Variants in TP53BP1 observed in about 807,000 individuals in gnomAD.
TP53BP1 encodes the protein tumor protein p53 binding protein 1.
In TP53BP1, 61 loss-of-function variants were observed where a neutral mutation model predicts 200.8. The ratio of observed to expected loss-of-function variants is 0.30; its 90% CI spans 0.25 to 0.38. The LOEUF is 0.38. Ranked by LOEUF, TP53BP1 falls within the 10% of genes least tolerant of loss-of-function variation. The pLI, the probability that TP53BP1 is intolerant of heterozygous loss-of-function variation, is 1.00. For missense variants in TP53BP1, 2,144 were observed against 2,371.9 expected (o/e 0.90, Z 2.00); for synonymous variants, 822 against 844.3 (o/e 0.97, Z 0.46).
At chr15:43,409,954 G>A (rs2045061478) in intron 24 of TP53BP1, among the ~76,000 whole-genome samples, 1 of 152,146 alleles carries the variant, frequency 6.6e-6, no homozygotes, top group African/African-American at 2.4e-5. Flanking sequence ...GAGGGAATGG[G>A]AAGATGAGGA....
rs2045850816 is a variant in TP53BP1 at position 43,438,427 on chromosome 15, AT to A, written c.3099-12del. 1 of 1,596,986 alleles carries A rather than the reference AT, an allele frequency of 6.3e-7. No homozygotes were observed. Among genetic ancestry groups the A allele is most frequent in the Non-Finnish European group, 8.5e-7 (1 of 1,169,674 alleles). Reference sequence around the variant, plus strand: ...ATGGTCTTCTGGGGACTAAGACAATATATTAAAGCAATATATTGTTAACTTT... The same window carrying A: ...ATGGTCTTCTGGGGACTAAGACAATAATTAAAGCAATATATTGTTAACTTT... On this transcript the variant is annotated splice_polypyrimidine_tract_variant and intron_variant, in intron 15 of 27. Coordinates refer to ENST00000382044, the MANE Select transcript of TP53BP1 (RefSeq NM_001141980.3).
upstream of TP53BP1, among the ~76,000 whole-genome samples, chr15:43,493,933 A>G (rs1469913073): frequency 6.6e-6 from 1 of 152,098 alleles, no homozygotes; most frequent in Non-Finnish European, 1.5e-5. Flanking sequence ...AACAGCTGCC[A>G]CCCCTTCTAA....
chr15:43,467,064 T>G (rs968745070), intron 11 of TP53BP1, among the ~76,000 whole-genome samples: 1 of 151,970 alleles, frequency 6.6e-6, no homozygotes, highest in African/African-American at 2.4e-5. Flanking sequence ...GGTATTCTTT[T>G]TTTTTTTTGA....
At chr15:43,464,965 T>A (rs557631471) in intron 11 of TP53BP1, among the ~76,000 whole-genome samples, 25 of 152,116 alleles carry the variant, frequency 1.6e-4, no homozygotes, top group African/African-American at 5.8e-4. Context: ...TTTTTTCCTT[T>A]ATATTTTTTA....
chr15:43,421,207 C>T, intron 19 of TP53BP1, 33 bp from the exon 20 acceptor site: 1 of 1,609,296 alleles, frequency 6.2e-7, no homozygotes, highest in Non-Finnish European at 8.5e-7. Context: ...TCTGATAGCA[C>T]CTGCTACTGA....
At chr15:43,442,068 C>T (rs1328056700) in intron 14 of TP53BP1, among the ~76,000 whole-genome samples, 2 of 151,330 alleles carry the variant, frequency 1.3e-5, no homozygotes, top group African/African-American at 4.9e-5. Flanking sequence ...GCAGTGCAGG[C>T]CAGATTTGTT....
chr15:43,493,119 T>C lies in TP53BP1; in HGVS notation c.-76A>G. 4 of 1,594,484 alleles carry C rather than the reference T, an allele frequency of 2.5e-6. No individual in the cohort carries two copies. In the South Asian group the frequency reaches 4.5e-5, roughly 18 times the overall value. On this transcript the variant is annotated 5_prime_UTR_variant, in exon 1 of 28. Transcript: ENST00000382044. ...AAGTCCCTCCAGATCGATCCCTAGG[T>C]CGCCGCTGTCGCCACCGCCGCCACC...
chr15:43,453,195 A>G (rs1185469663), intron 12 of TP53BP1, among the ~76,000 whole-genome samples: 2 of 147,428 alleles, frequency 1.4e-5, no homozygotes, highest in Non-Finnish European at 3.0e-5. Flanking sequence ...CTCCGTCTCA[A>G]AAAAAAAAAA....
intron 11 of TP53BP1, among the ~76,000 whole-genome samples, chr15:43,461,092 A>G (rs1164806009): frequency 6.6e-6 from 1 of 152,192 alleles, no homozygotes; most frequent in African/African-American, 2.4e-5. Context: ...CCATAATCCA[A>G]TAATTCCATT....
At chr15:43,447,287 C>A in intron 13 of TP53BP1, 79 bp downstream of exon 13, 1 of 1,476,416 alleles carries the variant, frequency 6.8e-7, no homozygotes, top group South Asian at 1.2e-5. Context: ...CCCAACTCCT[C>A]AGATCTAAAA....
chr15:43,422,325 A>G (rs893643018), intron 18 of TP53BP1, among the ~76,000 whole-genome samples, 199 bp from the exon 19 acceptor site: 13 of 152,114 alleles, frequency 8.5e-5, no homozygotes, highest in Non-Finnish European at 1.8e-4. Context: ...ACTGAACTGA[A>G]CATTTAGGAT....
chr15:43,489,612 T>C (rs1382679018), intron 4 of TP53BP1, among the ~76,000 whole-genome samples: 1 of 152,238 alleles, frequency 6.6e-6, no homozygotes, highest in Non-Finnish European at 1.5e-5. Context: ...ATAGCACTAA[T>C]GCTCCATCTA....
At chr15:43,508,485 C>T (rs1595640666) in intron 1 of TP53BP1, among the ~76,000 whole-genome samples, 2 of 152,298 alleles carry the variant, frequency 1.3e-5, no homozygotes, top group Middle Eastern at 3.4e-3. Flanking sequence ...CACAAAGACC[C>T]TGTCTCTGTG....
At chr15:43,450,128 T>C (rs1455275983) in intron 12 of TP53BP1, among the ~76,000 whole-genome samples, 1 of 152,194 alleles carries the variant, frequency 6.6e-6, no homozygotes, top group African/African-American at 2.4e-5. Flanking sequence ...TACCAAACAA[T>C]AATGAAGGAT....
intron 17 of TP53BP1, among the ~76,000 whole-genome samples, chr15:43,431,743 T>C (rs978007161): frequency 2.0e-5 from 3 of 152,204 alleles, no homozygotes; most frequent in Non-Finnish European, 2.9e-5. Context: ...TTCTGTTTCA[T>C]ATACTGAAAT....
chr15:43,471,480 G>A (rs982022535), intron 10 of TP53BP1, among the ~76,000 whole-genome samples: 2 of 151,830 alleles, frequency 1.3e-5, no homozygotes, highest in East Asian at 1.9e-4. Context: ...AGGCTGCGAC[G>A]CAGTGGTGCC....
intron 10 of TP53BP1, among the ~76,000 whole-genome samples, chr15:43,474,135 T>C (rs564658902): frequency 2.0e-5 from 3 of 152,222 alleles, no homozygotes; most frequent in African/African-American, 7.2e-5. Flanking sequence ...AAGCCCCTCA[T>C]TGCCCGGGGG....
chr15:43,478,111 A>G (rs1188631499), intron 7 of TP53BP1, among the ~76,000 whole-genome samples: 1 of 152,250 alleles, frequency 6.6e-6, no homozygotes, highest in Non-Finnish European at 1.5e-5. Flanking sequence ...CAATGATGCC[A>G]GTAAGGAGAA....
intron 10 of TP53BP1, among the ~76,000 whole-genome samples, chr15:43,474,148 C>T (rs2046794717): frequency 1.3e-5 from 2 of 152,140 alleles, no homozygotes; most frequent in African/African-American, 2.4e-5. Flanking sequence ...CCCGGGGGGC[C>T]GGCAGGGCCG....
Sources: allele counts gnomAD v4.1 joint callset (sites outside exome capture counted in the v4.1 genomes callset), GRCh38; gene constraint gnomAD v4.1.1; transcripts MANE v1.5; gene names NCBI Gene and HGNC (gene_info 2026-07-23, HGNC 2026-07-21).